NECTIN3: variants seen among roughly 807,000 people sequenced by gnomAD.
NECTIN3 encodes the protein nectin-3.
A neutral mutation model predicts 49.4 loss-of-function variants in NECTIN3; 8 were observed. The ratio of observed to expected loss-of-function variants is 0.16; its 90% CI spans 0.10 to 0.29. NECTIN3 has a LOEUF of 0.29. Ranked by LOEUF, NECTIN3 falls within the 10% of genes least tolerant of loss-of-function variation. The pLI is 1.00. For synonymous variants in NECTIN3, 277 were observed against 241.1 expected, an observed-to-expected ratio of 1.15 and a Z score of -1.38; for missense variants, 581 against 654.6, an observed-to-expected ratio of 0.89 and a Z score of 1.23.
At position 111,169,375 on chromosome 3, in the gene NECTIN3, C is replaced by A. The variant is rs1226644850; in HGVS notation, c.1221+21891C>A. 1.7e-4 allele frequency among the ~76,000 whole-genome samples: 19 copies of A among 114,572 alleles called. 1 individual carries two copies. The South Asian group carries it at 5.6e-3, about 34-fold the overall frequency. 75.2% of individuals were successfully genotyped at this position (114,572 alleles called of 152,430 possible). A position where few individuals can be genotyped will look rare whatever the true frequency, so the allele number is the denominator to read the frequency against. On this transcript the variant is annotated intron_variant, in intron 7 of 8. Transcript: ENST00000493615. ...AAAGTGCTGGGATTACAAACGCAAA[C>A]TTTTTTTTTTTTTTTTTTTTTTAAG...
chr3:111,157,733 AT>A (rs977917045), intron 7 of NECTIN3, among the ~76,000 whole-genome samples: 2 of 152,074 alleles, frequency 1.3e-5, no homozygotes, highest in African/African-American at 4.8e-5. Flanking sequence ...GCATTTCTGC[AT>A]TGGGAATAAA....
At chr3:111,145,809 G>A (rs749272712) in intron 6 of NECTIN3, among the ~76,000 whole-genome samples, 4 of 152,166 alleles carry the variant, frequency 2.6e-5, no homozygotes, top group Non-Finnish European at 5.9e-5. Flanking sequence ...TGGGACATAA[G>A]GTTGACTTTC....
At chr3:111,098,526 C>T (rs2032720777) in intron 1 of NECTIN3, among the ~76,000 whole-genome samples, 1 of 152,164 alleles carries the variant, frequency 6.6e-6, no homozygotes, top group Non-Finnish European at 1.5e-5. Context: ...ACATGGCCTT[C>T]TCATCTCTCT....
intron 1 of NECTIN3, chr3:111,072,627 C>T (rs926874006): frequency 2.7e-6 from 4 of 1,492,498 alleles, no homozygotes; most frequent in South Asian, 1.2e-5. Flanking sequence ...GGGTCCACTT[C>T]TCATGGCCTT....
Position 111,132,405 on chromosome 3 carries a change from C to T in NECTIN3, c.1070-1230C>T, listed in dbSNP as rs528412568. The stretch of plus-strand genomic sequence containing the variant: ...TAGCTTGTAATATTAGAATAACTTA[C>T]CCCATGTAGATTTAGTATTTTTCTA... On this transcript the variant is annotated intron_variant, in intron 5 of 5. Coordinates refer to ENST00000485303, the MANE Select transcript of NECTIN3 (RefSeq NM_015480.3). Among the ~76,000 whole-genome samples, 117 of 151,922 alleles carry T rather than the reference C, an allele frequency of 7.7e-4. 1 individual carries two copies. Among genetic ancestry groups the T allele is most frequent in the Admixed American group, 2.6e-3 (40 of 15,260 alleles).
chr3:111,175,296 T>G (rs2035506944), intron 7 of NECTIN3, among the ~76,000 whole-genome samples: 1 of 151,828 alleles, frequency 6.6e-6, no homozygotes, highest in African/African-American at 2.4e-5. Context: ...TTCTTGGGCA[T>G]GAAAACAGGA....
chr3:111,072,696 TTTC>T, intron 1 of NECTIN3: 3 of 1,021,242 alleles, frequency 2.9e-6, no homozygotes, highest in Non-Finnish European at 4.3e-6. Flanking sequence ...TACAGCTAGT[TTTC>T]TTCTGTCTTG....
In NECTIN3 at chr3:111,161,830, T is replaced by C. The variant is rs567067117; in HGVS notation, c.1221+14346T>C. 3.0e-4 allele frequency among the ~76,000 whole-genome samples: 45 copies of C among 152,302 alleles called. 1 individual carries two copies. The South Asian group carries it at 8.9e-3, about 30-fold the overall frequency. On this transcript the variant is annotated intron_variant, in intron 7 of 8. Transcript: ENST00000493615. ...TACATAAGAGAAATCCACCTTAGCA[T>C]TTTATCTCCTTAAGCATTTGGATTG...
intron 1 of NECTIN3, among the ~76,000 whole-genome samples, chr3:111,099,294 A>G (rs190336685): frequency 9.3e-4 from 141 of 152,304 alleles, no homozygotes; most frequent in Middle Eastern, 3.4e-3. Flanking sequence ...ACTCTTACCT[A>G]GGAGGCTCTC....
At chr3:111,168,067 T>A (rs1008581367) in intron 7 of NECTIN3, among the ~76,000 whole-genome samples, 1 of 152,108 alleles carries the variant, frequency 6.6e-6, no homozygotes, top group African/African-American at 2.4e-5. Context: ...TTTCTTTGAG[T>A]GTCACATCAG....
At chr3:111,118,621 G>A in intron 2 of NECTIN3, 35 bp from the exon 3 acceptor site, 1 of 1,470,300 alleles carries the variant, frequency 6.8e-7, no homozygotes, top group Middle Eastern at 1.8e-4. Context: ...ATTCTTGTTT[G>A]AATGTAACTA....
intron 1 of NECTIN3, among the ~76,000 whole-genome samples, chr3:111,094,735 A>G (rs1576090236): frequency 6.6e-6 from 1 of 152,228 alleles, no homozygotes; most frequent in Non-Finnish European, 1.5e-5. Context: ...ACAGAAGCTC[A>G]TTAGAGACTA....
intron 1 of NECTIN3, among the ~76,000 whole-genome samples, chr3:111,097,956 G>A (rs1377061049): frequency 6.6e-6 from 1 of 152,162 alleles, no homozygotes; most frequent in African/African-American, 2.4e-5. Flanking sequence ...ATTCTCTTGT[G>A]TAGTACTTTT....
At chr3:111,158,728 G>A (rs73854920) in intron 7 of NECTIN3, among the ~76,000 whole-genome samples, 4,860 of 152,054 alleles carry the variant, frequency 0.032, 88 homozygotes, top group Middle Eastern at 0.058. Context: ...GAACATAAAA[G>A]CATAAAACAT....
At chr3:111,184,684 A>G (rs1289258275) in intron 7 of NECTIN3, among the ~76,000 whole-genome samples, 5 of 152,164 alleles carry the variant, frequency 3.3e-5, no homozygotes, top group African/African-American at 7.2e-5. Context: ...TTTTTGTTCT[A>G]TCATGGTCAG....
Position 111,115,610 on chromosome 3 carries a change from A to T in NECTIN3, c.503-3046A>T, listed in dbSNP as rs377262880. On this transcript the variant is annotated intron_variant, in intron 2 of 5. Coordinates refer to ENST00000485303, the MANE Select transcript of NECTIN3 (RefSeq NM_015480.3). ...GTTTGAGAAACACTGCTTTGATCAC[A>T]TCACATAGAGGAATGCCTAACTCAC... Among the ~76,000 whole-genome samples the T allele has an allele frequency of 2.4e-4, 37 of 152,330 alleles. No homozygotes were observed. The East Asian group carries it at 6.9e-3, about 29-fold the overall frequency.
chr3:111,188,387 A>T (rs1245282979), upstream of NECTIN3, among the ~76,000 whole-genome samples: 3 of 152,214 alleles, frequency 2.0e-5, no homozygotes, highest in Non-Finnish European at 4.4e-5. Context: ...ACAGTGATTT[A>T]ATGATGAAGA....
chr3:111,173,315 A>G lies in NECTIN3; in HGVS notation c.1222-19036A>G, dbSNP rs1458201744. On this transcript the variant is annotated intron_variant, in intron 7 of 8. Transcript: ENST00000493615. The stretch of plus-strand genomic sequence containing the variant: ...TTTTCTTACATCTCATTATCAAGAC[A>G]TGAACAGCTTCCACCTCTTCTGGAT... Among the ~76,000 whole-genome samples, 2 of 152,228 alleles carry G rather than the reference A, an allele frequency of 1.3e-5. 1 individual carries two copies. Among genetic ancestry groups the G allele is most frequent in the East Asian group, 3.8e-4 (2 of 5,204 alleles).
At chr3:111,099,947 A>G (rs2032807945) in intron 1 of NECTIN3, among the ~76,000 whole-genome samples, 1 of 152,132 alleles carries the variant, frequency 6.6e-6, no homozygotes, top group Non-Finnish European at 1.5e-5. Flanking sequence ...ATTAGGTGAT[A>G]ATAGTCTTGT....
Sources: allele counts gnomAD v4.1 joint callset (sites outside exome capture counted in the v4.1 genomes callset), GRCh38; gene constraint gnomAD v4.1.1; transcripts MANE v1.5; gene names NCBI Gene and HGNC (gene_info 2026-07-23, HGNC 2026-07-21).